The following IRAG2 variants were observed in gnomAD, a reference collection of about 807,000 sequenced individuals.
IRAG2 encodes lymphoid restricted membrane protein.
A neutral mutation model predicts 69.9 loss-of-function variants in IRAG2; 45 were observed. That is an observed-to-expected ratio of 0.64 (90% CI 0.51 to 0.83). The LOEUF is 0.83. Among genes scored for constraint, IRAG2 ranks in the 40% least tolerant of loss-of-function variants. IRAG2 has a pLI of 0.00. For synonymous variants in IRAG2, 193 were observed against 202.4 expected (o/e 0.95, Z 0.40); for missense variants, 520 against 587.0 (o/e 0.89, Z 1.18).
At chr12:25,010,905 C>A (rs572527021) in intron 2 of IRAG2, among the ~76,000 whole-genome samples, 8 of 152,090 alleles carry the variant, frequency 5.3e-5, no homozygotes, top group Non-Finnish European at 1.2e-4. Flanking sequence ...TCCTCCACCC[C>A]CTAAAAAGTA....
At chr12:25,042,119 A>G (rs879887367) in intron 16 of IRAG2, among the ~76,000 whole-genome samples, 2 of 152,138 alleles carry the variant, frequency 1.3e-5, no homozygotes, top group Non-Finnish European at 2.9e-5. Flanking sequence ...GGTAATAGTC[A>G]TGGAAGTGAT....
intron 6 of IRAG2, among the ~76,000 whole-genome samples, chr12:25,019,815 G>A (rs1245872828): frequency 6.6e-6 from 1 of 152,186 alleles, no homozygotes; most frequent in Non-Finnish European, 1.5e-5. Flanking sequence ...CTTGATGGGA[G>A]GAACTATGTC....
chr12:25,031,227 C>A (rs754136005), intron 10 of IRAG2: 7 of 205,800 alleles, frequency 3.4e-5, no homozygotes, highest in African/African-American at 4.7e-5. Context: ...GTCTTCATTG[C>A]GGGTGTTCTC....
chr12:25,062,383 A>G (rs949701118), intron 2 of IRAG2, among the ~76,000 whole-genome samples: 5 of 152,220 alleles, frequency 3.3e-5, no homozygotes, highest in Admixed American at 2.6e-4. Flanking sequence ...AAAAACCTCC[A>G]TATCTAAAGA....
chr12:24,999,669 C>T (rs1442654456), upstream of IRAG2, among the ~76,000 whole-genome samples: 3 of 152,112 alleles, frequency 2.0e-5, no homozygotes, highest in African/African-American at 4.8e-5. Context: ...GTATAACATT[C>T]TGTGCAGTGC....
chr12:25,068,037 C>T (rs536005090), intron 5 of IRAG2, among the ~76,000 whole-genome samples: 13 of 152,250 alleles, frequency 8.5e-5, no homozygotes, highest in East Asian at 3.9e-4. Context: ...GACAAGGTTT[C>T]GCCATGTTTG....
At chr12:25,063,410 A>G (rs1945761222) in intron 3 of IRAG2, among the ~76,000 whole-genome samples, 1 of 152,076 alleles carries the variant, frequency 6.6e-6, no homozygotes, top group African/African-American at 2.4e-5. Flanking sequence ...TTTATTCCTC[A>G]CCTATACCTC....
At chr12:25,048,170 G>A (rs11531006), upstream of IRAG2, among the ~76,000 whole-genome samples, 51,449 of 152,092 alleles carry the variant, frequency 0.34, 10,327 homozygotes, top group Admixed American at 0.49. Flanking sequence ...CTGGCATGAG[G>A]TGGTATCTTA....
intron 9 of IRAG2, among the ~76,000 whole-genome samples, chr12:25,080,590 G>C (rs2140111903): frequency 6.6e-6 from 1 of 152,206 alleles, no homozygotes; most frequent in East Asian, 1.9e-4. Flanking sequence ...CTGACCTCGT[G>C]ATCCACCCTC....
intron 3 of IRAG2, among the ~76,000 whole-genome samples, chr12:25,011,870 A>G (rs533101822): frequency 2.0e-5 from 3 of 152,334 alleles, no homozygotes; most frequent in Admixed American, 6.5e-5. Context: ...ATACTCTCAC[A>G]GAGAATTGAG....
intron 1 of IRAG2, among the ~76,000 whole-genome samples, chr12:25,054,184 A>T (rs1169428039): frequency 6.6e-6 from 1 of 152,100 alleles, no homozygotes; most frequent in Non-Finnish European, 1.5e-5. Flanking sequence ...ATTCTGATTC[A>T]CTCTGTTAAG....
chr12:25,002,577 T>G (rs1204031114), upstream of IRAG2, among the ~76,000 whole-genome samples: 1 of 151,990 alleles, frequency 6.6e-6, no homozygotes, highest in African/African-American at 2.4e-5. Context: ...AAAAACTGAT[T>G]CTAGAATTTC....
intron 16 of IRAG2, among the ~76,000 whole-genome samples, chr12:25,101,689 C>T (rs559862459): frequency 1.6e-4 from 25 of 152,308 alleles, no homozygotes; most frequent in African/African-American, 5.3e-4. Context: ...CCATCAGCAA[C>T]GGTTTTGATT....
chr12:25,061,927 C>G (rs924305494), intron 2 of IRAG2, among the ~76,000 whole-genome samples: 3 of 152,144 alleles, frequency 2.0e-5, no homozygotes, highest in African/African-American at 7.2e-5. Context: ...TATCTATTAG[C>G]GAACAGCCAG....
intron 14 of IRAG2, among the ~76,000 whole-genome samples, chr12:25,096,639 A>T (rs527766474): frequency 3.0e-4 from 46 of 152,368 alleles, no homozygotes; most frequent in Non-Finnish European, 5.3e-4. Flanking sequence ...TATTAGCTGT[A>T]GAAGAAAGAT....
At chr12:25,074,087 A>G (rs1016263248) in intron 6 of IRAG2, among the ~76,000 whole-genome samples, 43 of 152,260 alleles carry the variant, frequency 2.8e-4, no homozygotes, top group African/African-American at 1.0e-3. Flanking sequence ...ACTTGGACAC[A>G]TGACCTAACC....
chr12:25,104,810 A>T (rs1273706185), intron 20 of IRAG2, among the ~76,000 whole-genome samples: 5 of 152,154 alleles, frequency 3.3e-5, no homozygotes, highest in African/African-American at 7.2e-5. Context: ...ATATATTTTT[A>T]AAAACATGAG....
chr12:25,055,227 C>T (rs890923250), intron 1 of IRAG2, among the ~76,000 whole-genome samples: 6 of 152,192 alleles, frequency 3.9e-5, no homozygotes, highest in Admixed American at 2.0e-4. Context: ...AAATCCTGAA[C>T]TTTATCTTGA....
intron 11 of IRAG2, 73 bp downstream of exon 11, chr12:25,088,230 T>C (rs1947780770): frequency 1.7e-6 from 2 of 1,211,624 alleles, no homozygotes; most frequent in Admixed American, 1.7e-5. Context: ...GAAATCTGTC[T>C]GAATAAAGCT....
Sources: gnomAD v4.1 joint callset for allele counts (sites outside exome capture counted in the v4.1 genomes callset) on GRCh38, gnomAD v4.1.1 for gene constraint, MANE v1.5 for transcripts, NCBI Gene and HGNC (gene_info 2026-07-23, HGNC 2026-07-21) for gene names.